CPLANE1: variants seen among roughly 807,000 people sequenced by gnomAD.
CPLANE1 encodes ciliogenesis and planar polarity effector complex subunit 1, also known as ciliogenesis and planar polarity effector 1.
A neutral mutation model predicts 362.5 loss-of-function variants in CPLANE1; 263 were observed. That is an observed-to-expected ratio of 0.73 (90% CI 0.66 to 0.80). CPLANE1 has a LOEUF of 0.80. Among genes scored for constraint, CPLANE1 ranks in the 30% least tolerant of loss-of-function variants. CPLANE1 has a pLI of 0.00. For synonymous variants in CPLANE1, 1,212 were observed against 1,302.6 expected, an observed-to-expected ratio of 0.93 and a Z score of 1.50; for missense variants, 3,461 against 3,793.4, an observed-to-expected ratio of 0.91 and a Z score of 2.30.
At chr5:37,161,515 C>T (rs1192889497) in intron 38 of CPLANE1, among the ~76,000 whole-genome samples, 5 of 152,080 alleles carry the variant, frequency 3.3e-5, no homozygotes, top group Admixed American at 2.6e-4. Context: ...TTGTAGCAAA[C>T]ATACTATGAT....
chr5:37,122,573 G>T, intron 47 of CPLANE1, 85 bp from the exon 48 acceptor site: 2 of 1,012,282 alleles, frequency 2.0e-6, no homozygotes, highest in Non-Finnish European at 3.0e-6. Context: ...TTAGGAAACA[G>T]TACAAAACAC....
In CPLANE1 at chr5:37,169,580, A is replaced by T; in HGVS notation, c.6463-19T>A. On this transcript the variant is annotated intron_variant, in intron 33 of 52. Coordinates refer to ENST00000651892, the MANE Select transcript of CPLANE1 (RefSeq NM_001384732.1). The stretch of plus-strand genomic sequence containing the variant: ...GAACATTCTGGAAGAGAAAAAAGAT[A>T]TTATGTAAGTTTAGAATATATTAGA... The T allele has an allele frequency of 6.4e-7, 1 of 1,553,660 alleles. No homozygotes were observed. Among genetic ancestry groups the T allele is most frequent in the Non-Finnish European group, 8.7e-7 (1 of 1,151,200 alleles).
At chr5:37,194,505 T>C (rs887671772) in intron 21 of CPLANE1, among the ~76,000 whole-genome samples, 1 of 152,086 alleles carries the variant, frequency 6.6e-6, no homozygotes, top group Non-Finnish European at 1.5e-5. Flanking sequence ...CTGGCCCTTT[T>C]GTTACGTGAA....
rs778190592 is a variant in CPLANE1, at chr5:37,169,033, C to A, written c.6991G>T (p.Asp2331Tyr). The A allele has an allele frequency of 6.2e-7, 1 of 1,614,152 alleles. No homozygotes were observed. Among genetic ancestry groups the A allele is most frequent in the East Asian group, 2.2e-5 (1 of 44,880 alleles). The change falls in exon 34 of 53, where the codon GAC becomes TAC. Residue 2331 changes from aspartate (D) to tyrosine (Y), a missense_variant. Asp to Tyr is a radical substitution (Grantham distance 160). Around this residue, in one of 2 missense-constraint regions of CPLANE1, gnomAD observed 3,380 missense variants for 3,666.1 expected, o/e 0.92. Transcript: ENST00000651892. Reference protein sequence around the residue: ...VGQENLTPQQDSSVFIKPEKL... With the variant: ...VGQENLTPQQYSSVFIKPEKL... ...TCTGGTTTTATAAACACTGAAGAGT[C>A]CTGTTGAGGTGTCAAATTTTCTTGT...
rs1246207433 is a variant in CPLANE1 at position 37,120,342 on chromosome 5, T to C, written c.9186-2A>G. 6.4e-7 allele frequency: 1 copy of C among 1,563,980 alleles called. No individual in the cohort carries two copies. The highest frequency in any genetic ancestry group is 8.6e-7 in the Non-Finnish European group (1 of 1,162,576). On this transcript the variant is annotated splice_acceptor_variant, in intron 49 of 52. Transcript: ENST00000651892. LOFTEE classifies it high-confidence loss of function. ...AAACTGTGACCATGTTGATTCTCTC[T>C]ATAGTAGAAATCACATAATTATTAC...
chr5:37,139,556 G>A, intron 44 of CPLANE1, 186 bp from the exon 45 acceptor site: 1 of 1,095,962 alleles, frequency 9.1e-7, no homozygotes, highest in Admixed American at 5.0e-5. Context: ...AGTGAATACT[G>A]TCTACATATT....
At chr5:37,157,604 G>A in intron 40 of CPLANE1, 66 bp downstream of exon 40, 2 of 1,361,688 alleles carry the variant, frequency 1.5e-6, no homozygotes, top group Admixed American at 3.5e-5. Context: ...GATGTGAGTA[G>A]GGATAACAAT....
At chr5:37,094,024 G>C in the CPLANE1 span, among the ~76,000 whole-genome samples, 1 of 145,526 alleles carries the variant, frequency 6.9e-6, no homozygotes, top group East Asian at 2.0e-4. Context: ...CGCTGGCAGT[G>C]GGGGGCAGGA....
intron 19 of CPLANE1, among the ~76,000 whole-genome samples, chr5:37,199,096 C>CA (rs35945783): frequency 0.36 from 16,717 of 46,768 alleles, 2,932 homozygotes; most frequent in East Asian, 0.5. Flanking sequence ...CACCCTGTCT[C>CA]AAAAAAAAAA....
At chr5:37,139,516 T>C (rs967615338) in intron 44 of CPLANE1, 146 bp from the exon 45 acceptor site, 9 of 1,133,856 alleles carry the variant, frequency 7.9e-6, no homozygotes, top group Non-Finnish European at 1.0e-5. Context: ...TTACAGCATA[T>C]TTATCCTCTT....
At chr5:37,135,981 T>A (rs1269260278) in intron 46 of CPLANE1, among the ~76,000 whole-genome samples, 1 of 152,168 alleles carries the variant, frequency 6.6e-6, no homozygotes, top group Non-Finnish European at 1.5e-5. Flanking sequence ...GAGATGTGGA[T>A]GAGGAAACAA....
intron 41 of CPLANE1, among the ~76,000 whole-genome samples, chr5:37,155,065 G>A (rs1222120417): frequency 3.3e-5 from 5 of 152,144 alleles, no homozygotes; most frequent in African/African-American, 9.7e-5. Context: ...CCACTACTTG[G>A]CTGAAGCTTT....
intron 16 of CPLANE1, among the ~76,000 whole-genome samples, chr5:37,208,703 T>C (rs903391715): frequency 5.4e-5 from 7 of 130,286 alleles, no homozygotes; most frequent in African/African-American, 2.0e-4. Context: ...AAAAAAAGAG[T>C]TCAGCTTAAC....
intron 51 of CPLANE1, among the ~76,000 whole-genome samples, chr5:37,114,711 C>G: frequency 6.6e-6 from 1 of 152,050 alleles, no homozygotes; most frequent in Non-Finnish European, 1.5e-5. Flanking sequence ...ACCAGCCTGG[C>G]CAACATGGCA....
At chr5:37,102,082 A>G (rs1757320905), downstream of CPLANE1, among the ~76,000 whole-genome samples, 1 of 148,922 alleles carries the variant, frequency 6.7e-6, no homozygotes, top group Admixed American at 6.7e-5. Context: ...TCATGTCTGT[A>G]TTTCCTTCAG....
chr5:37,201,821 A>G lies in CPLANE1; in HGVS notation c.3290-13T>C, dbSNP rs1292401447. 1 of 1,559,734 alleles carries G rather than the reference A, an allele frequency of 6.4e-7. No individual in the cohort carries two copies. The highest frequency in any genetic ancestry group is 8.8e-7 in the Non-Finnish European group (1 of 1,140,670). ...TCTTCAATGGGATCTATCAAATACA[A>G]AAATTTGGTAAAATAGTTAAAGCTT... On this transcript the variant is annotated splice_polypyrimidine_tract_variant and intron_variant, in intron 18 of 52. Transcript: ENST00000651892.
intron 38 of CPLANE1, among the ~76,000 whole-genome samples, chr5:37,161,156 G>A (rs1191306862): frequency 1.3e-5 from 2 of 152,124 alleles, no homozygotes; most frequent in Non-Finnish European, 2.9e-5. Context: ...CTTTTTTGAT[G>A]ACACAGGGAC....
rs1469286509 is a variant in CPLANE1, at chr5:37,153,770, C to A, written c.8343G>T (p.Lys2781Asn). The change falls in exon 42 of 53, where the codon AAG (lysine) becomes AAT (asparagine). Residue 2781 changes from lysine to asparagine, a missense_variant. By Grantham distance (94) the Lys-to-Asn change is moderately conservative (BLOSUM62 0). Transcript: ENST00000651892. ...IAENIEQDFP[K>N]PEMLDLHCDK... ...CACAATGTAGATCTAGCATTTCAGG[C>A]TTGGGGAAATCCTGTTCTATGTTTT... The A allele has an allele frequency of 2.5e-6, 4 of 1,613,120 alleles. No individual in the cohort carries two copies. Among genetic ancestry groups the A allele is most frequent in the Non-Finnish European group, 2.5e-6 (3 of 1,179,328 alleles).
chr5:37,247,577 CAT>C, intron 2 of CPLANE1, 39 bp downstream of exon 2: 1 of 1,501,140 alleles, frequency 6.7e-7, no homozygotes, highest in Non-Finnish European at 9.0e-7. Context: ...ACACATATAA[CAT>C]ATATAAAACT....
Sources: gnomAD v4.1 joint callset for allele counts (sites outside exome capture counted in the v4.1 genomes callset) on GRCh38, gnomAD v4.1.1 for gene constraint, gnomAD v4.1.1 regional missense constraint, MANE v1.5 for transcripts, NCBI Gene and HGNC (gene_info 2026-07-23, HGNC 2026-07-21) for gene names.